Variants in PTPRR observed in about 807,000 individuals in gnomAD.
PTPRR encodes receptor-type tyrosine-protein phosphatase R.
Under a neutral mutation model 77.2 loss-of-function variants are expected in PTPRR, and 38 were observed. The ratio of observed to expected loss-of-function variants is 0.49; its 90% CI spans 0.38 to 0.65. The LOEUF is 0.65. Ranked by LOEUF, PTPRR falls within the 30% of genes least tolerant of loss-of-function variation. The pLI is 0.00. For missense variants in PTPRR, 744 were observed against 799.2 expected (o/e 0.93, Z 0.83); for synonymous variants, 299 against 283.1 (o/e 1.06, Z -0.57).
intron 8 of PTPRR, among the ~76,000 whole-genome samples, chr12:70,685,961 G>A (rs934361510): frequency 6.6e-6 from 1 of 152,130 alleles, no homozygotes; most frequent in Admixed American, 6.5e-5. Flanking sequence ...CGAACACTAG[G>A]GTACCATTAG....
chr12:70,913,246 G>A (rs1020485481), intron 1 of PTPRR, among the ~76,000 whole-genome samples: 1 of 152,050 alleles, frequency 6.6e-6, no homozygotes, highest in Non-Finnish European at 1.5e-5. Flanking sequence ...GTTCTATAAA[G>A]ACTGTATACA....
intron 2 of PTPRR, 49 bp from the exon 3 acceptor site, chr12:70,764,827 T>G: frequency 1.5e-6 from 2 of 1,344,422 alleles, no homozygotes; most frequent in Non-Finnish European, 2.1e-6. Flanking sequence ...TTAATTTGTA[T>G]AGATGTATAG....
intron 6 of PTPRR, among the ~76,000 whole-genome samples, chr12:70,721,893 G>C (rs1889270470): frequency 6.6e-6 from 1 of 152,136 alleles, no homozygotes; most frequent in South Asian, 2.1e-4. Flanking sequence ...CTCTCAAAGA[G>C]CATGAACATG....
intron 10 of PTPRR, among the ~76,000 whole-genome samples, chr12:70,675,867 G>T (rs1887425918): frequency 6.6e-6 from 1 of 150,814 alleles, no homozygotes; most frequent in Non-Finnish European, 1.5e-5. Flanking sequence ...CTGATTTTTG[G>T]CTTCTAGTTT....
intron 10 of PTPRR, among the ~76,000 whole-genome samples, chr12:70,668,201 G>A (rs970004213): frequency 1.2e-4 from 19 of 152,008 alleles, no homozygotes; most frequent in African/African-American, 4.6e-4. Flanking sequence ...GTAATGGTGA[G>A]GAGGAGGAAG....
At chr12:70,793,702 G>T (rs554897587) in intron 2 of PTPRR, among the ~76,000 whole-genome samples, 1 of 152,138 alleles carries the variant, frequency 6.6e-6, no homozygotes, top group Non-Finnish European at 1.5e-5. Flanking sequence ...TTTTGTGAGA[G>T]GTTTGATAGG....
rs571894837 is a variant in PTPRR at position 70,692,235 on chromosome 12, G to A, written c.1279+6030C>T. Among the ~76,000 whole-genome samples the A allele has an allele frequency of 2.2e-4, 33 of 152,154 alleles. 1 individual carries two copies. The South Asian group carries it at 5.6e-3, about 26-fold the overall frequency. ...TGGACTCAATTTTATTATACCTACT[G>A]TATTTACATACTTAACTATTATATT... On this transcript the variant is annotated intron_variant, in intron 8 of 13. Transcript: ENST00000283228.
At position 70,809,518 on chromosome 12, in the gene PTPRR, G is replaced by A. The variant is rs114692416; in HGVS notation, c.358-44740C>T. ...TATTAAGAACTATAGTCATTATGTC[G>A]TACAGTAGATAGCTTGAACTTATTC... On this transcript the variant is annotated intron_variant, in intron 2 of 13. Transcript: ENST00000283228. 8.3e-3 allele frequency among the ~76,000 whole-genome samples: 1,265 copies of A among 152,130 alleles called. 10 individuals are homozygous for A. Among genetic ancestry groups the A allele is most frequent in the African/African-American group, 0.016 (667 of 41,520 alleles).
intron 2 of PTPRR, among the ~76,000 whole-genome samples, chr12:70,859,362 G>C (rs1892709827): frequency 6.6e-6 from 1 of 151,982 alleles, no homozygotes; most frequent in South Asian, 2.1e-4. Flanking sequence ...GCAATCTCCA[G>C]GTGATTCTAA....
chr12:70,834,408 C>T lies in PTPRR; in HGVS notation c.357+58271G>A, dbSNP rs1477994091. On this transcript the variant is annotated intron_variant, in intron 2 of 13. Coordinates refer to ENST00000283228, the MANE Select transcript of PTPRR (RefSeq NM_002849.4). Reference sequence around the variant, plus strand: ...AAATGAAAGTTTCCACATTTGAGATCTCCCTTGTTCAATTTTGTCAGGCTG... The same window carrying T: ...AAATGAAAGTTTCCACATTTGAGATTTCCCTTGTTCAATTTTGTCAGGCTG... Among the ~76,000 whole-genome samples, 5 of 152,128 alleles carry T rather than the reference C, an allele frequency of 3.3e-5. No homozygotes were observed. In the East Asian group the frequency reaches 9.6e-4, roughly 29 times the overall value.
intron 7 of PTPRR, 87 bp downstream of exon 7, chr12:70,701,050 G>T: frequency 7.1e-7 from 1 of 1,404,560 alleles, no homozygotes; most frequent in Non-Finnish European, 9.9e-7. Flanking sequence ...GACTGCTTAA[G>T]TATAGGACAG....
chr12:70,769,533 A>T (rs987371046), intron 2 of PTPRR, among the ~76,000 whole-genome samples: 1 of 152,214 alleles, frequency 6.6e-6, no homozygotes, highest in Non-Finnish European at 1.5e-5. Flanking sequence ...ATGGAAGAAC[A>T]TTCCATGCTC....
At chr12:70,860,925 T>C (rs1892742626) in intron 2 of PTPRR, among the ~76,000 whole-genome samples, 1 of 152,138 alleles carries the variant, frequency 6.6e-6, no homozygotes. Context: ...GCTTGTTTTA[T>C]TTTTATTTTT....
intron 2 of PTPRR, among the ~76,000 whole-genome samples, chr12:70,774,938 A>G (rs901394272): frequency 2.4e-4 from 36 of 152,288 alleles, no homozygotes; most frequent in African/African-American, 8.7e-4. Flanking sequence ...CAGGATATAA[A>G]TTTTCACAGC....
chr12:70,660,178 TAATA>T (rs57676991), intron 12 of PTPRR, among the ~76,000 whole-genome samples: 8,226 of 141,010 alleles, frequency 0.058, 526 homozygotes, highest in South Asian at 0.25. Flanking sequence ...CTCTGTCTCA[TAATA>T]AATAAATAAA....
intron 4 of PTPRR, among the ~76,000 whole-genome samples, chr12:70,760,274 CA>C (rs1278685097): frequency 6.6e-6 from 1 of 152,178 alleles, no homozygotes; most frequent in African/African-American, 2.4e-5. Flanking sequence ...GACAACCTCA[CA>C]GAGATTAAAT....
At chr12:70,900,739 C>T (rs1012019022) in intron 1 of PTPRR, among the ~76,000 whole-genome samples, 9 of 151,446 alleles carry the variant, frequency 5.9e-5, no homozygotes, top group Non-Finnish European at 7.4e-5. Flanking sequence ...TCTGAAAAGA[C>T]GACTTACAAA....
At chr12:70,700,652 C>T (rs1888388733) in intron 7 of PTPRR, among the ~76,000 whole-genome samples, 1 of 152,170 alleles carries the variant, frequency 6.6e-6, no homozygotes, top group Non-Finnish European at 1.5e-5. Context: ...AGGATTAACA[C>T]TAGAGCCTCT....
At chr12:70,874,906 G>A (rs1893023899) in intron 2 of PTPRR, among the ~76,000 whole-genome samples, 1 of 126,414 alleles carries the variant, frequency 7.9e-6, no homozygotes, top group South Asian at 2.6e-4. Flanking sequence ...CAGTGACAGA[G>A]TGAGACTCCA....
Sources: gnomAD v4.1 joint callset for allele counts (sites outside exome capture counted in the v4.1 genomes callset) on GRCh38, gnomAD v4.1.1 for gene constraint, MANE v1.5 for transcripts, NCBI Gene and HGNC (gene_info 2026-07-23, HGNC 2026-07-21) for gene names.